The following EPHX2 variants were observed in gnomAD, a reference collection of about 807,000 sequenced individuals.
EPHX2 encodes epoxide hydrolase 2, also known as bifunctional epoxide hydrolase 2.
In EPHX2, 74 loss-of-function variants were observed where a neutral mutation model predicts 78.7. The ratio of observed to expected loss-of-function variants is 0.94; its 90% confidence interval spans 0.78 to 1.14. The LOEUF is 1.14. Among genes scored for constraint, EPHX2 ranks in the 50% most tolerant of loss-of-function variants. EPHX2 has a pLI of 0.00. For missense variants in EPHX2, 715 were observed against 702.5 expected (o/e 1.02, Z -0.20); for synonymous variants, 251 against 255.2 (o/e 0.98, Z 0.16).
chr8:27,527,245 A>C (rs1251896250), intron 12 of EPHX2, among the ~76,000 whole-genome samples: 1 of 151,586 alleles, frequency 6.6e-6, no homozygotes, highest in Admixed American at 6.6e-5. Context: ...GTGTGAATAT[A>C]TAGAGACGGG....
chr8:27,543,397 AC>A (rs1815474201), intron 16 of EPHX2, among the ~76,000 whole-genome samples: 1 of 152,074 alleles, frequency 6.6e-6, no homozygotes, highest in Non-Finnish European at 1.5e-5. Flanking sequence ...TTTCTCTGGA[AC>A]CTTGGTCGCC....
At chr8:27,548,016 C>A (rs1815602572), downstream of EPHX2, among the ~76,000 whole-genome samples, 1 of 152,192 alleles carries the variant, frequency 6.6e-6, no homozygotes, top group African/African-American at 2.4e-5. Flanking sequence ...CAGCAGTCTT[C>A]ATATTCTCTC....
rs114187445 is a variant in EPHX2 at position 27,523,762 on chromosome 8, C to G, written c.1058+1254C>G. Among the ~76,000 whole-genome samples, 843 of 152,262 alleles carry G rather than the reference C, an allele frequency of 5.5e-3. 8 individuals are homozygous for G. Among genetic ancestry groups the G allele is most frequent in the African/African-American group, 0.019 (806 of 41,548 alleles). ...ATAGCATATTCTAGCTTCTTCCTCTCTCTTTCTCTGTCCCCTCTCTCATTC... is the reference window on the plus strand; with the variant it reads ...ATAGCATATTCTAGCTTCTTCCTCTGTCTTTCTCTGTCCCCTCTCTCATTC... On this transcript the variant is annotated intron_variant, in intron 11 of 18. Coordinates refer to ENST00000521400, the MANE Select transcript of EPHX2 (RefSeq NM_001979.6).
At chr8:27,534,285 A>G (rs1333230244) in intron 12 of EPHX2, among the ~76,000 whole-genome samples, 1 of 152,224 alleles carries the variant, frequency 6.6e-6, no homozygotes, top group Non-Finnish European at 1.5e-5. Flanking sequence ...CAGATGATCA[A>G]TGTCTCCATT....
intron 5 of EPHX2, 134 bp downstream of exon 5, chr8:27,507,128 C>T (rs1814041435): frequency 8.8e-7 from 1 of 1,131,472 alleles, no homozygotes; most frequent in Admixed American, 2.7e-5. Context: ...GTTGGGAGTC[C>T]ATCACCCACT....
At chr8:27,542,821 T>C (rs1815446822) in intron 16 of EPHX2, among the ~76,000 whole-genome samples, 1 of 152,136 alleles carries the variant, frequency 6.6e-6, no homozygotes, top group Admixed American at 6.5e-5. Flanking sequence ...TTTTGTGTTT[T>C]AGTAGAGATG....
chr8:27,508,770 G>A (rs56185518), intron 5 of EPHX2, among the ~76,000 whole-genome samples: 19,206 of 151,752 alleles, frequency 0.13, 1,397 homozygotes, highest in African/African-American at 0.21. Flanking sequence ...GTGTGTGCGC[G>A]CACGCACGTG....
At chr8:27,501,776 G>A (rs528578821) in intron 2 of EPHX2, among the ~76,000 whole-genome samples, 4 of 152,094 alleles carry the variant, frequency 2.6e-5, no homozygotes, top group Admixed American at 6.5e-5. Context: ...AAAATCCTGC[G>A]TTTCATTCAG....
chr8:27,507,152 G>A (rs373607480), intron 5 of EPHX2, among the ~76,000 whole-genome samples, 158 bp downstream of exon 5: 17 of 152,330 alleles, frequency 1.1e-4, no homozygotes, highest in African/African-American at 4.1e-4. Flanking sequence ...CAGTCAGCAC[G>A]ATGTCCCTAA....
At chr8:27,522,633 G>T in intron 11 of EPHX2, 125 bp downstream of exon 11, 1 of 921,558 alleles carries the variant, frequency 1.1e-6, no homozygotes, top group Non-Finnish European at 1.7e-6. Flanking sequence ...GGAAGGTGAT[G>T]TCTTCACTCT....
chr8:27,517,917 T>A, intron 8 of EPHX2, 121 bp from the exon 9 acceptor site: 1 of 744,036 alleles, frequency 1.3e-6, no homozygotes, highest in Non-Finnish European at 2.2e-6. Context: ...TTTAGTAAGT[T>A]TTTGTGGGTT....
At chr8:27,510,797 A>G (rs1250405688) in intron 5 of EPHX2, among the ~76,000 whole-genome samples, 1 of 152,084 alleles carries the variant, frequency 6.6e-6, no homozygotes, top group Non-Finnish European at 1.5e-5. Context: ...TTAAAAAAAA[A>G]AAATAGCTGG....
At chr8:27,503,574 A>G (rs751176524) in intron 2 of EPHX2, 30 bp from the exon 3 acceptor site, 3 of 1,583,144 alleles carry the variant, frequency 1.9e-6, no homozygotes, top group Non-Finnish European at 2.6e-6. Context: ...GAGTGGCCAT[A>G]CAAATTGTCC....
At chr8:27,515,865 A>G (rs1397572761) in intron 7 of EPHX2, 52 bp downstream of exon 7, 9 of 1,510,670 alleles carry the variant, frequency 6.0e-6, no homozygotes, top group Non-Finnish European at 7.3e-6. Flanking sequence ...GGGGGAGTCT[A>G]GATGGTGTGG....
At chr8:27,517,774 T>A (rs1814509699) in intron 8 of EPHX2, among the ~76,000 whole-genome samples, 1 of 152,106 alleles carries the variant, frequency 6.6e-6, no homozygotes. Context: ...CCTGAAACTG[T>A]ACAGCTTCTA....
chr8:27,545,358 T>A lies in EPHX2; in HGVS notation c.*836T>A, dbSNP rs1467608489. The A allele has an allele frequency of 1.3e-5, 2 of 152,486 alleles. No individual in the cohort carries two copies. The highest frequency in any genetic ancestry group is 2.9e-5 in the Non-Finnish European group (2 of 68,208). 9.4% of individuals were successfully genotyped at this position (152,486 alleles called of 1,614,324 possible). On this transcript the variant is annotated 3_prime_UTR_variant, in exon 19 of 19. Coordinates refer to ENST00000521400, the MANE Select transcript of EPHX2 (RefSeq NM_001979.6). Reference sequence around the variant, plus strand: ...TTCCCCTCTACCCTCTCCTGCCTCCTGTCACATCCGGTTAGGCTCCCATCT... The same window carrying A: ...TTCCCCTCTACCCTCTCCTGCCTCCAGTCACATCCGGTTAGGCTCCCATCT...
chr8:27,528,734 C>T (rs1159233689), intron 12 of EPHX2, among the ~76,000 whole-genome samples: 1 of 152,174 alleles, frequency 6.6e-6, no homozygotes, highest in Non-Finnish European at 1.5e-5. Flanking sequence ...GTTCCAGACC[C>T]ATGCAGCCTA....
At chr8:27,536,599 G>A (rs1815219558) in intron 12 of EPHX2, among the ~76,000 whole-genome samples, 185 bp from the exon 13 acceptor site, 1 of 152,150 alleles carries the variant, frequency 6.6e-6, no homozygotes, top group Non-Finnish European at 1.5e-5. Context: ...TTAGCATCTT[G>A]TATTTTATGC....
rs1416876905 is a variant in EPHX2, at chr8:27,511,982, C to G, written c.735+72C>G. The G allele has an allele frequency of 1.3e-5, 19 of 1,458,090 alleles. No homozygotes were observed. In the South Asian group the frequency reaches 2.0e-4, roughly 16 times the overall value. 90.3% of individuals were successfully genotyped at this position (1,458,090 alleles called of 1,614,324 possible). A position where few individuals can be genotyped will look rare whatever the true frequency, so the allele number is the denominator to read the frequency against. ...TCACCTAAAACGACCAGCAGAGACACCCAAGAGGCTGAGCTGTGAGGATCA... is the reference window on the plus strand; with the variant it reads ...TCACCTAAAACGACCAGCAGAGACAGCCAAGAGGCTGAGCTGTGAGGATCA... On this transcript the variant is annotated intron_variant, in intron 6 of 18. Transcript: ENST00000521400.
Sources: allele counts gnomAD v4.1 joint callset (sites outside exome capture counted in the v4.1 genomes callset), GRCh38; gene constraint gnomAD v4.1.1; transcripts MANE v1.5; gene names NCBI Gene and HGNC (gene_info 2026-07-23, HGNC 2026-07-21).